SLC44A1: variants seen among roughly 807,000 people sequenced by gnomAD.
SLC44A1 encodes solute carrier family 44 member 1, also known as choline transporter-like protein 1.
Under a neutral mutation model 79.3 loss-of-function variants are expected in SLC44A1, and 26 were observed. The ratio of observed to expected loss-of-function variants is 0.33; its 90% CI spans 0.24 to 0.46. SLC44A1 has a LOEUF of 0.46. Among genes scored for constraint, SLC44A1 ranks in the 20% least tolerant of loss-of-function variants. The pLI is 1.00. For synonymous variants in SLC44A1, 263 were observed against 286.2 expected (o/e 0.92, Z 0.82); for missense variants, 688 against 798.1 (o/e 0.86, Z 1.66).
At chr9:105,325,825 A>C (rs1411548818) in intron 3 of SLC44A1, among the ~76,000 whole-genome samples, 1 of 152,224 alleles carries the variant, frequency 6.6e-6, no homozygotes, top group African/African-American at 2.4e-5. Flanking sequence ...CTAAAATTAG[A>C]TTGTAGTAAT....
intron 15 of SLC44A1, among the ~76,000 whole-genome samples, chr9:105,430,935 G>A (rs1829384488): frequency 6.6e-6 from 1 of 152,168 alleles, no homozygotes; most frequent in Admixed American, 6.5e-5. Flanking sequence ...ACAAGTGTAA[G>A]TTTCCATCTT....
At chr9:105,330,528 A>G (rs1026899718) in intron 3 of SLC44A1, among the ~76,000 whole-genome samples, 9 of 152,236 alleles carry the variant, frequency 5.9e-5, no homozygotes, top group Non-Finnish European at 1.2e-4. Context: ...CATATCATTC[A>G]TTTTAATCTT....
chr9:105,275,804 A>ATTT (rs1229808333), intron 1 of SLC44A1, among the ~76,000 whole-genome samples: 1 of 138,930 alleles, frequency 7.2e-6, no homozygotes. Context: ...TGGAAGAACA[A>ATTT]TTTTTTTTTT....
intron 6 of SLC44A1, chr9:105,357,096 T>C (rs1268375871): frequency 6.6e-6 from 1 of 152,224 alleles, no homozygotes; most frequent in Admixed American, 6.5e-5. Flanking sequence ...ATTGAGAAGA[T>C]ACAAGCTGTA....
At chr9:105,256,869 C>T (rs1223291325) in intron 1 of SLC44A1, among the ~76,000 whole-genome samples, 1 of 151,324 alleles carries the variant, frequency 6.6e-6, no homozygotes, top group East Asian at 1.9e-4. Flanking sequence ...CTCACTTTAA[C>T]CTCCACCTCC....
chr9:105,435,691 G>A (rs1267591843), intron 15 of SLC44A1, among the ~76,000 whole-genome samples: 1 of 152,144 alleles, frequency 6.6e-6, no homozygotes. Context: ...GGTCAGAGGG[G>A]TCACAATGGC....
rs139474047 is a variant in SLC44A1, at chr9:105,355,968, G to A, written c.501-244G>A. On this transcript the variant is annotated intron_variant, in intron 5 of 15. Transcript: ENST00000374720. ...GTGTGTGCGTTTCTTTTCAGAAGGG[G>A]CGGGTAATGTCTTCTGTTGGAACAT... 1.9e-4 allele frequency: 95 copies of A among 493,060 alleles called. 2 individuals carry two copies. The highest frequency in any genetic ancestry group is 1.6e-3 in the African/African-American group (83 of 50,800). 30.5% of individuals were successfully genotyped at this position (493,060 alleles called of 1,614,324 possible).
chr9:105,400,686 A>C (rs142921204), downstream of SLC44A1, among the ~76,000 whole-genome samples: 143 of 152,272 alleles, frequency 9.4e-4, no homozygotes, highest in African/African-American at 3.3e-3. Context: ...AAAATGGATT[A>C]AAAAATTTAG....
chr9:105,269,407 C>T (rs1340305889), intron 1 of SLC44A1, among the ~76,000 whole-genome samples: 2 of 152,066 alleles, frequency 1.3e-5, no homozygotes, highest in African/African-American at 2.4e-5. Flanking sequence ...CCATTTCCTC[C>T]CATGTTATCC....
At chr9:105,325,658 C>T (rs1325688594) in intron 3 of SLC44A1, among the ~76,000 whole-genome samples, 1 of 152,190 alleles carries the variant, frequency 6.6e-6, no homozygotes, top group Non-Finnish European at 1.5e-5. Flanking sequence ...GAGGAACTCT[C>T]ATAATCCAAT....
intron 5 of SLC44A1, among the ~76,000 whole-genome samples, chr9:105,351,596 G>GAGAGAA (rs1554797147): frequency 2.6e-5 from 3 of 113,458 alleles, no homozygotes; most frequent in African/African-American, 9.0e-5. Context: ...AAGAGAGAAA[G>GAGAGAA]AGAAAGAAAG....
intron 15 of SLC44A1, among the ~76,000 whole-genome samples, chr9:105,409,030 G>C (rs1392553618): frequency 1.3e-5 from 2 of 152,066 alleles, no homozygotes; most frequent in African/African-American, 2.4e-5. Context: ...AAACATAAGA[G>C]AAGACACAGA....
intron 3 of SLC44A1, among the ~76,000 whole-genome samples, chr9:105,313,566 C>A (rs1290181215): frequency 6.6e-6 from 1 of 152,042 alleles, no homozygotes; most frequent in Non-Finnish European, 1.5e-5. Flanking sequence ...GGACTGAGGG[C>A]CTTTGTTCCT....
At chr9:105,257,064 G>A (rs1261824772) in intron 1 of SLC44A1, among the ~76,000 whole-genome samples, 2 of 151,578 alleles carry the variant, frequency 1.3e-5, no homozygotes, top group East Asian at 1.9e-4. Flanking sequence ...GGGATTACAG[G>A]TGTGAGCCAC....
intron 3 of SLC44A1, among the ~76,000 whole-genome samples, chr9:105,324,032 T>C (rs531552981): frequency 5.3e-5 from 8 of 152,128 alleles, no homozygotes; most frequent in Non-Finnish European, 8.8e-5. Flanking sequence ...GACGGAGTCT[T>C]GCTCTGTCGC....
chr9:105,409,102 A>T (rs1829064793), intron 15 of SLC44A1, among the ~76,000 whole-genome samples: 1 of 152,254 alleles, frequency 6.6e-6, no homozygotes, highest in African/African-American at 2.4e-5. Context: ...CCAGTTTTTT[A>T]AAATGTAAAT....
chr9:105,399,384 T>A (rs1469561726), downstream of SLC44A1, among the ~76,000 whole-genome samples: 1 of 152,240 alleles, frequency 6.6e-6, no homozygotes, highest in Non-Finnish European at 1.5e-5. Context: ...TTGCATCCTG[T>A]AACCTCACAT....
At chr9:105,298,580 C>T (rs1830791157) in intron 1 of SLC44A1, among the ~76,000 whole-genome samples, 2 of 152,148 alleles carry the variant, frequency 1.3e-5, no homozygotes, top group South Asian at 4.1e-4. Flanking sequence ...AAACTCCTGA[C>T]CTCAGGTGAT....
intron 4 of SLC44A1, among the ~76,000 whole-genome samples, chr9:105,342,115 A>G (rs1588803537): frequency 6.6e-6 from 1 of 152,236 alleles, no homozygotes; most frequent in African/African-American, 2.4e-5. Context: ...TGAAAATTCA[A>G]ATAACACATA....
Sources: allele counts gnomAD v4.1 joint callset (sites outside exome capture counted in the v4.1 genomes callset), GRCh38; gene constraint gnomAD v4.1.1; transcripts MANE v1.5; gene names NCBI Gene and HGNC (gene_info 2026-07-23, HGNC 2026-07-21).